Variants in COG5 observed in about 807,000 individuals in gnomAD.
The protein encoded by COG5 is component of oligomeric golgi complex 5, also known as conserved oligomeric Golgi complex subunit 5.
Under a neutral mutation model 110.4 loss-of-function variants are expected in COG5, and 86 were observed. The observed-to-expected ratio is 0.78, with a 90% CI of 0.65 to 0.93. The LOEUF (loss-of-function observed/expected upper bound fraction) is 0.93, where lower values mean the gene tolerates loss of function less well. Ranked by LOEUF, COG5 falls within the 40% of genes least tolerant of loss-of-function variation. The pLI, the probability that COG5 is intolerant of heterozygous loss-of-function variation, is 0.00. For missense variants in COG5, 1,077 were observed against 987.0 expected (o/e 1.09, Z -1.22); for synonymous variants, 360 against 334.6 (o/e 1.08, Z -0.83).
Position 107,326,583 on chromosome 7 carries a change from C to T in COG5, c.1027-2062G>A, listed in dbSNP as rs571931104. 4.6e-5 allele frequency among the ~76,000 whole-genome samples: 7 copies of T among 152,142 alleles called. No individual in the cohort carries two copies. In the South Asian group the frequency reaches 1.0e-3, roughly 23 times the overall value. On this transcript the variant is annotated intron_variant, in intron 10 of 21. Transcript: ENST00000297135. ...ATCCAAAAGAATACTTAAGAATAAA[C>T]TTATTCAAGAAGGTAAAAAACTTGT...
chr7:107,522,472 A>C (rs1216133190), intron 6 of COG5, among the ~76,000 whole-genome samples: 3 of 152,316 alleles, frequency 2.0e-5, no homozygotes, highest in East Asian at 3.9e-4. Flanking sequence ...CCGTCTCAAA[A>C]AACAACAACA....
chr7:107,451,914 G>A (rs1007442966), intron 6 of COG5, among the ~76,000 whole-genome samples: 2 of 152,026 alleles, frequency 1.3e-5, no homozygotes, highest in Non-Finnish European at 2.9e-5. Flanking sequence ...AGTTATACAT[G>A]GATTTTTGAC....
At chr7:107,236,190 C>A (rs1801175230) in intron 18 of COG5, among the ~76,000 whole-genome samples, 1 of 152,036 alleles carries the variant, frequency 6.6e-6, no homozygotes, top group Non-Finnish European at 1.5e-5. Flanking sequence ...GTGCTGCTTT[C>A]CTGTGGAATG....
At chr7:107,331,843 T>G (rs904971913) in intron 10 of COG5, among the ~76,000 whole-genome samples, 3 of 97,166 alleles carry the variant, frequency 3.1e-5, no homozygotes, top group African/African-American at 7.6e-5. Context: ...CTTGCCTCTT[T>G]TTTTTTTTTT....
intron 1 of COG5, among the ~76,000 whole-genome samples, chr7:107,563,066 G>T (rs1359712781): frequency 6.6e-6 from 1 of 152,150 alleles, no homozygotes; most frequent in Non-Finnish European, 1.5e-5. Flanking sequence ...GCTTATAAAT[G>T]TGAACTTTAT....
intron 6 of COG5, among the ~76,000 whole-genome samples, chr7:107,476,268 T>C (rs560742454): frequency 7.8e-5 from 11 of 140,248 alleles, no homozygotes; most frequent in Non-Finnish European, 1.7e-4. Flanking sequence ...TTTTGTATAA[T>C]AGAAAGTTAA....
At chr7:107,204,741 A>G (rs1423965508) in intron 21 of COG5, among the ~76,000 whole-genome samples, 2 of 152,104 alleles carry the variant, frequency 1.3e-5, no homozygotes, top group African/African-American at 4.8e-5. Flanking sequence ...TTCATCCCAC[A>G]AGCCACTGTC....
At chr7:107,345,416 T>A (rs189813755) in intron 10 of COG5, among the ~76,000 whole-genome samples, 32 of 152,148 alleles carry the variant, frequency 2.1e-4, no homozygotes, top group Admixed American at 1.9e-3. Context: ...TAAATAAAAA[T>A]AAAAATGCAG....
chr7:107,305,234 A>C (rs1807610340), intron 11 of COG5, among the ~76,000 whole-genome samples: 1 of 152,196 alleles, frequency 6.6e-6, no homozygotes, highest in South Asian at 2.1e-4. Flanking sequence ...ATATTTTAAG[A>C]GAACTGCCTG....
intron 6 of COG5, among the ~76,000 whole-genome samples, chr7:107,423,766 C>T (rs1019326898): frequency 6.6e-6 from 1 of 151,836 alleles, no homozygotes; most frequent in Non-Finnish European, 1.5e-5. Flanking sequence ...GAATAATATG[C>T]CATGACCATG....
intron 6 of COG5, among the ~76,000 whole-genome samples, chr7:107,512,792 G>T (rs1020215953): frequency 6.6e-6 from 1 of 151,846 alleles, no homozygotes; most frequent in Non-Finnish European, 1.5e-5. Context: ...AACAAGCAAT[G>T]GGGAAAGGAT....
At chr7:107,482,393 G>A (rs529746958) in intron 6 of COG5, among the ~76,000 whole-genome samples, 110 of 151,872 alleles carry the variant, frequency 7.2e-4, no homozygotes, top group Non-Finnish European at 1.0e-3. Flanking sequence ...CAATCCTCCC[G>A]CCTTGGCCTC....
intron 7 of COG5, among the ~76,000 whole-genome samples, chr7:107,386,730 G>A (rs1488835623): frequency 6.6e-6 from 1 of 152,128 alleles, no homozygotes; most frequent in Non-Finnish European, 1.5e-5. Context: ...CAAGGTTCCT[G>A]GAAAAAGGCA....
chr7:107,426,657 C>T (rs768218747), intron 6 of COG5, among the ~76,000 whole-genome samples: 3 of 152,132 alleles, frequency 2.0e-5, no homozygotes, highest in Non-Finnish European at 1.5e-5. Flanking sequence ...CTCAAAAGCC[C>T]TTCCTCCTAA....
chr7:107,486,377 A>G (rs1160941943), intron 6 of COG5, among the ~76,000 whole-genome samples: 2 of 152,058 alleles, frequency 1.3e-5, no homozygotes, highest in African/African-American at 4.8e-5. Context: ...CAAATCTTCA[A>G]CCAGATACAT....
chr7:107,547,828 G>A (rs1296204106), intron 5 of COG5, among the ~76,000 whole-genome samples: 7 of 151,956 alleles, frequency 4.6e-5, no homozygotes, highest in Non-Finnish European at 1.0e-4. Flanking sequence ...TAACCAAGGA[G>A]GTGAAGCATC....
intron 7 of COG5, among the ~76,000 whole-genome samples, chr7:107,375,802 G>A (rs1314997064): frequency 6.6e-6 from 1 of 151,884 alleles, no homozygotes; most frequent in Non-Finnish European, 1.5e-5. Context: ...TTAAGGAAAA[G>A]AAATTCCTAA....
intron 16 of COG5, among the ~76,000 whole-genome samples, chr7:107,249,251 T>C (rs1387617699): frequency 6.6e-6 from 1 of 152,088 alleles, no homozygotes; most frequent in African/African-American, 2.4e-5. Flanking sequence ...TAAAGACATT[T>C]TTCATTGTCA....
At chr7:107,404,885 G>GAAAAAAAAAAAAAAAAAAAAAAAAAA in intron 7 of COG5, among the ~76,000 whole-genome samples, 1 of 32,404 alleles carries the variant, frequency 3.1e-5, no homozygotes, top group Non-Finnish European at 7.1e-5. Flanking sequence ...TTCAGAAGAT[G>GAAAAAAAAAAAAAAAAAAAAAAAAAA]AAAAAAAAAA....
Sources: gnomAD v4.1 joint callset for allele counts (sites outside exome capture counted in the v4.1 genomes callset) on GRCh38, gnomAD v4.1.1 for gene constraint, MANE v1.5 for transcripts, NCBI Gene and HGNC (gene_info 2026-07-23, HGNC 2026-07-21) for gene names.